The following ZBTB16 variants were observed in gnomAD, a reference collection of about 807,000 sequenced individuals.
ZBTB16 encodes zinc finger and BTB domain-containing protein 16.
ZBTB16 carries 8 observed loss-of-function variants against 56.8 expected under a neutral mutation model. The observed-to-expected ratio is 0.14, with a 90% CI of 0.08 to 0.25. The LOEUF is 0.25. Ranked by LOEUF, ZBTB16 falls within the 10% of genes least tolerant of loss-of-function variation. ZBTB16 has a pLI of 1.00. For missense variants in ZBTB16, 625 were observed against 903.0 expected (o/e 0.69, Z 3.95); for synonymous variants, 363 against 368.5 (o/e 0.98, Z 0.17).
intron 2 of ZBTB16, among the ~76,000 whole-genome samples, chr11:114,089,805 G>A (rs1198860865): frequency 6.6e-6 from 1 of 152,224 alleles, no homozygotes; most frequent in Non-Finnish European, 1.5e-5. Context: ...AGGCCAGGAG[G>A]TCTGGCTGCT....
intron 2 of ZBTB16, among the ~76,000 whole-genome samples, chr11:114,144,852 A>G (rs1261858499): frequency 6.6e-6 from 1 of 152,254 alleles, no homozygotes; most frequent in African/African-American, 2.4e-5. Context: ...ATTTTCAACT[A>G]AATCTGTTCA....
At chr11:114,244,119 G>C (rs1944769045) in intron 5 of ZBTB16, among the ~76,000 whole-genome samples, 1 of 152,162 alleles carries the variant, frequency 6.6e-6, no homozygotes, top group Non-Finnish European at 1.5e-5. Context: ...GTTGTTCTTG[G>C]CCCATTTGCT....
chr11:114,183,443 C>A (rs1943296618), intron 3 of ZBTB16, among the ~76,000 whole-genome samples: 1 of 152,186 alleles, frequency 6.6e-6, no homozygotes, highest in Non-Finnish European at 1.5e-5. Flanking sequence ...TCCTTTCTCT[C>A]TGCTTCTCAG....
rs1386535116 is a variant in ZBTB16, at chr11:114,209,763, A to G, written c.1453+22725A>G. 10 of 985,318 alleles carry G rather than the reference A, an allele frequency of 1.0e-5. No individual in the cohort carries two copies. In the Admixed American group the frequency reaches 5.5e-4, roughly 55 times the overall value. The allele number at this position is 985,318 out of a possible 1,614,324, so 61.0% of individuals were successfully genotyped here. ...CCCCTCTCTCACTTGCCACTTCAGG[A>G]GTACACCACAGCCCAGGGATAAGCT... is the stretch of plus-strand genomic sequence containing the variant. On this transcript the variant is annotated intron_variant, in intron 4 of 6. Coordinates refer to ENST00000335953, the MANE Select transcript of ZBTB16 (RefSeq NM_006006.6).
At chr11:114,162,791 C>G (rs1287431000) in intron 3 of ZBTB16, among the ~76,000 whole-genome samples, 1 of 152,166 alleles carries the variant, frequency 6.6e-6, no homozygotes, top group Non-Finnish European at 1.5e-5. Context: ...GCCCTCCCTT[C>G]GGTCCGCATG....
intron 4 of ZBTB16, among the ~76,000 whole-genome samples, chr11:114,194,443 T>G (rs1943563438): frequency 6.6e-6 from 1 of 152,170 alleles, no homozygotes. Flanking sequence ...CTCAAGCTGG[T>G]GTTCTAGGAG....
At chr11:114,181,423 A>G (rs544997093) in intron 3 of ZBTB16, among the ~76,000 whole-genome samples, 153 of 152,324 alleles carry the variant, frequency 1.0e-3, no homozygotes, top group Non-Finnish European at 1.4e-3. Context: ...TTGACCTCTG[A>G]TCTGTCTGAC....
chr11:114,128,205 C>T (rs1008505807), intron 2 of ZBTB16, among the ~76,000 whole-genome samples: 4 of 152,240 alleles, frequency 2.6e-5, no homozygotes, highest in South Asian at 2.1e-4. Context: ...AGAGCTATGT[C>T]TCTTCCTTAG....
intron 1 of ZBTB16, among the ~76,000 whole-genome samples, chr11:114,062,118 T>C (rs1011447916): frequency 7.9e-5 from 12 of 151,516 alleles, no homozygotes; most frequent in African/African-American, 2.4e-4. Context: ...TTTTTTTTTT[T>C]CTGAGACGGA....
At chr11:114,124,557 C>CAAAAAAAAAAAAAAAAAAAAACAA (rs1381254014) in intron 2 of ZBTB16, among the ~76,000 whole-genome samples, 1 of 41,058 alleles carries the variant, frequency 2.4e-5, no homozygotes. Context: ...AAAAAAAAAC[C>CAAAAAAAAAAAAAAAAAAAAACAA]AAAAAAAAAA....
intron 2 of ZBTB16, 37 bp from the exon 3 acceptor site, chr11:114,156,300 A>G (rs1942407373): frequency 2.5e-6 from 4 of 1,609,952 alleles, no homozygotes; most frequent in Non-Finnish European, 2.6e-6. Flanking sequence ...TTGTCCAGCC[A>G]GAGCAGCAGC....
intron 2 of ZBTB16, among the ~76,000 whole-genome samples, chr11:114,115,379 T>G (rs1007391658): frequency 1.3e-5 from 2 of 151,088 alleles, no homozygotes; most frequent in Admixed American, 6.6e-5. Flanking sequence ...CCTTTCCTTG[T>G]TATCTGAACT....
At chr11:114,194,006 T>A (rs1253461333) in intron 4 of ZBTB16, among the ~76,000 whole-genome samples, 2 of 152,226 alleles carry the variant, frequency 1.3e-5, no homozygotes, top group Non-Finnish European at 2.9e-5. Context: ...CTGAGTGTTG[T>A]CCAGTAGTCT....
At chr11:114,231,617 A>G (rs1458411392) in intron 4 of ZBTB16, among the ~76,000 whole-genome samples, 1 of 152,204 alleles carries the variant, frequency 6.6e-6, no homozygotes, top group Non-Finnish European at 1.5e-5. Flanking sequence ...CTGCTTGAGA[A>G]AGGTTGAACC....
At chr11:114,073,937 A>C (rs112312351) in intron 2 of ZBTB16, among the ~76,000 whole-genome samples, 2 of 152,258 alleles carry the variant, frequency 1.3e-5, no homozygotes, top group East Asian at 3.9e-4. Context: ...TTAGTGGGAG[A>C]TGGGGTGGCA....
At chr11:114,072,914 T>C (rs1202627821) in intron 2 of ZBTB16, among the ~76,000 whole-genome samples, 2 of 150,860 alleles carry the variant, frequency 1.3e-5, no homozygotes, top group Non-Finnish European at 1.5e-5. Context: ...TAGCCGGGCG[T>C]GGTGGGGGGC....
chr11:114,074,197 C>T (rs1023056164), intron 2 of ZBTB16, among the ~76,000 whole-genome samples: 4 of 152,174 alleles, frequency 2.6e-5, no homozygotes, highest in Non-Finnish European at 4.4e-5. Flanking sequence ...ACAAGGGAGC[C>T]GCTGAGCCCC....
At chr11:114,129,753 G>A (rs1041117084) in intron 2 of ZBTB16, among the ~76,000 whole-genome samples, 3 of 152,196 alleles carry the variant, frequency 2.0e-5, no homozygotes, top group Middle Eastern at 3.2e-3. Flanking sequence ...ATGACGCTGC[G>A]CCTCCTACAT....
intron 3 of ZBTB16, among the ~76,000 whole-genome samples, chr11:114,166,365 G>T (rs1942757594): frequency 1.3e-5 from 2 of 151,914 alleles, no homozygotes; most frequent in South Asian, 4.2e-4. Context: ...TTGCAGGATT[G>T]GACAGTCCTT....
Sources: allele counts gnomAD v4.1 joint callset (sites outside exome capture counted in the v4.1 genomes callset), GRCh38; gene constraint gnomAD v4.1.1; transcripts MANE v1.5; gene names NCBI Gene and HGNC (gene_info 2026-07-23, HGNC 2026-07-21).